The following TMED6 variants were observed in gnomAD, a reference collection of about 807,000 sequenced individuals.
The protein encoded by TMED6 is transmembrane emp24 domain-containing protein 6.
Under a neutral mutation model 26.5 loss-of-function variants are expected in TMED6, and 17 were observed. The observed-to-expected ratio is 0.64, with a 90% CI of 0.44 to 0.96. The LOEUF (loss-of-function observed/expected upper bound fraction) is 0.96, where lower values mean the gene tolerates loss of function less well. Ranked by LOEUF, TMED6 falls within the 40% of genes least tolerant of loss-of-function variation. TMED6 has a pLI of 0.00. For synonymous variants in TMED6, 107 were observed against 106.2 expected, an observed-to-expected ratio of 1.01 and a Z score of -0.04; for missense variants, 309 against 296.5, an observed-to-expected ratio of 1.04 and a Z score of -0.31.
In TMED6 at chr16:69,351,644, CG is replaced by C. The variant is rs777581465; in HGVS notation, c.109del (p.Arg37ValfsTer11). 2.5e-6 allele frequency: 4 copies of C among 1,614,098 alleles called. No individual in the cohort carries two copies. In the Admixed American group the frequency reaches 5.0e-5, roughly 20 times the overall value. On this transcript the variant is annotated frameshift_variant, in exon 1 of 4. Coordinates refer to ENST00000288025, the MANE Select transcript of TMED6 (RefSeq NM_144676.4). LOFTEE classifies it high-confidence loss of function. ...GGCAAAGTCATATCGATCAGCTCCA[CG>C]GAAGAGTGGCTGGTCCCCAGAGCCA... ...LSGSGDQPLF[R>X]GADRYDFAIM... is the part of the protein sequence containing the mutation.
chr16:69,344,514 T>G (rs1295329407), intron 3 of TMED6, among the ~76,000 whole-genome samples: 1 of 152,178 alleles, frequency 6.6e-6, no homozygotes, highest in Non-Finnish European at 1.5e-5. Context: ...GGCTCATACC[T>G]GTAATCCCAG....
chr16:69,350,590 G>A (rs902982327), intron 1 of TMED6, among the ~76,000 whole-genome samples: 4 of 152,196 alleles, frequency 2.6e-5, no homozygotes, highest in African/African-American at 7.2e-5. Context: ...GTGAGCCACC[G>A]CACCCGGCCT....
intron 1 of TMED6, among the ~76,000 whole-genome samples, chr16:69,351,034 G>A (rs1311760182): frequency 4.7e-5 from 7 of 150,302 alleles, no homozygotes; most frequent in East Asian, 3.9e-4. Context: ...AACACTTACC[G>A]TCCTAAAAAA....
chr16:69,348,091 G>A lies in TMED6; in HGVS notation c.341-155C>T, dbSNP rs149411218. On this transcript the variant is annotated intron_variant, in intron 2 of 3. Transcript: ENST00000288025. ...ATCCCGTTTTTGACATGGAAGACAC[G>A]GACCTTATGTTAAACTTATACTAAA... The A allele has an allele frequency of 4.3e-4, 327 of 760,582 alleles. 2 individuals are homozygous for A. The East Asian group carries it at 7.4e-3, about 17-fold the overall frequency. The allele number at this position is 760,582 out of a possible 1,614,324, so 47.1% of individuals were successfully genotyped here. A position where few individuals can be genotyped will look rare whatever the true frequency, so the allele number is the denominator to read the frequency against.
intron 1 of TMED6, among the ~76,000 whole-genome samples, chr16:69,350,044 G>A (rs1251263413): frequency 6.6e-6 from 1 of 152,020 alleles, no homozygotes; most frequent in Non-Finnish European, 1.5e-5. Flanking sequence ...GGCCGAGGTG[G>A]GCAGATTACA....
At chr16:69,350,879 A>G (rs1311186150) in intron 1 of TMED6, among the ~76,000 whole-genome samples, 1 of 152,228 alleles carries the variant, frequency 6.6e-6, no homozygotes. Flanking sequence ...GTAAACAAAA[A>G]TTAGAAAGTT....
intron 3 of TMED6, among the ~76,000 whole-genome samples, chr16:69,346,359 A>C (rs1019572010): frequency 4.6e-5 from 7 of 152,224 alleles, no homozygotes; most frequent in African/African-American, 1.4e-4. Flanking sequence ...TTAACTGATG[A>C]ATGGATAAAT....
At position 69,349,531 on chromosome 16, in the gene TMED6, C is replaced by T; in HGVS notation, c.334G>A (p.Glu112Lys). 6.2e-7 allele frequency: 1 copy of T among 1,613,646 alleles called. No homozygotes were observed. Among genetic ancestry groups the T allele is most frequent in the East Asian group, 2.2e-5 (1 of 44,856 alleles). Residue 112 changes from glutamate (E) to lysine (K), a missense_variant, in exon 2 of 4, where the codon GAG (glutamate) becomes AAG (lysine). Physicochemically the swap from Glu to Lys is moderately conservative, Grantham distance 56 (BLOSUM62 1). Coordinates refer to ENST00000288025, the MANE Select transcript of TMED6 (RefSeq NM_144676.4). ...CATGGTAATGAAAACAGACCTGTCT[C>T]TTGGGTAGAGAAGTTAATCTGGCCC... The part of the protein sequence containing the change: ...VRGQINFSTQ[E>K]TGFYQLCLSN...
chr16:69,347,718 A>C, intron 3 of TMED6, 70 bp downstream of exon 3: 1 of 1,589,102 alleles, frequency 6.3e-7, no homozygotes, highest in Non-Finnish European at 8.6e-7. Flanking sequence ...TACCTAAATG[A>C]AGTCATCTTC....
At chr16:69,350,484 G>C (rs765746563) in intron 1 of TMED6, among the ~76,000 whole-genome samples, 1 of 151,926 alleles carries the variant, frequency 6.6e-6, no homozygotes, top group Non-Finnish European at 1.5e-5. Context: ...ATTTTTAGTA[G>C]AGATGCGTTT....
chr16:69,343,529 C>T lies in TMED6; in HGVS notation c.601G>A (p.Val201Met), dbSNP rs1471328706. The change falls in exon 4 of 4, where the codon GTG (valine) becomes ATG (methionine). Residue 201 changes from valine (V) to methionine (M), a missense_variant. By Grantham distance (21) the Val-to-Met change is conservative. Coordinates refer to ENST00000288025, the MANE Select transcript of TMED6 (RefSeq NM_144676.4). ...CTCTGGGCTGTCGACCACCAGTTCACGTAGTTATAGTTTGATTGGATAAGG... is the reference window on the plus strand; with the variant it reads ...CTCTGGGCTGTCGACCACCAGTTCATGTAGTTATAGTTTGATTGGATAAGG... ...FFLIQSNYNY[V>M]NWWSTAQSLV... 8 of 1,614,000 alleles carry T rather than the reference C, an allele frequency of 5.0e-6. No individual in the cohort carries two copies. The South Asian group carries it at 5.5e-5, about 11-fold the overall frequency.
rs377054263 is a variant in TMED6 at position 69,351,641 on chromosome 16, C to T, written c.113G>A (p.Gly38Glu). Reference protein sequence around the residue: ...SGSGDQPLFRGADRYDFAIMI... With the variant: ...SGSGDQPLFREADRYDFAIMI... ...GATGGCAAAGTCATATCGATCAGCT[C>T]CACGGAAGAGTGGCTGGTCCCCAGA... is the stretch of plus-strand genomic sequence containing the variant. The change falls in exon 1 of 4, where the codon GGA becomes GAA. Residue 38 changes from glycine (G) to glutamate (E), a missense_variant. Gly to Glu is a moderately conservative substitution (Grantham distance 98). Transcript: ENST00000288025. 8 of 1,614,094 alleles carry T rather than the reference C, an allele frequency of 5.0e-6. No individual in the cohort carries two copies. The East Asian group carries it at 8.9e-5, about 18-fold the overall frequency.
intron 3 of TMED6, among the ~76,000 whole-genome samples, chr16:69,345,668 C>A (rs546017622): frequency 4.7e-4 from 54 of 115,896 alleles, no homozygotes; most frequent in Admixed American, 9.4e-4. Flanking sequence ...GGACGACAGA[C>A]TGACTCTCTC....
chr16:69,345,408 G>C (rs1017207946), intron 3 of TMED6, among the ~76,000 whole-genome samples: 1 of 152,102 alleles, frequency 6.6e-6, no homozygotes, highest in Non-Finnish European at 1.5e-5. Flanking sequence ...TTCAGGCAGG[G>C]TGCGGTGGCT....
chr16:69,350,595 C>T (rs543446441), intron 1 of TMED6, among the ~76,000 whole-genome samples: 12 of 152,250 alleles, frequency 7.9e-5, no homozygotes, highest in East Asian at 7.8e-4. Context: ...CCACCGCACC[C>T]GGCCTGGCTG....
At chr16:69,348,729 C>G (rs1249363810) in intron 2 of TMED6, among the ~76,000 whole-genome samples, 1 of 152,122 alleles carries the variant, frequency 6.6e-6, no homozygotes, top group East Asian at 1.9e-4. Flanking sequence ...ATTCTCTTGC[C>G]TCAGCCTCCC....
intron 2 of TMED6, 84 bp downstream of exon 2, chr16:69,349,441 A>C: frequency 6.7e-7 from 1 of 1,491,872 alleles, no homozygotes; most frequent in Non-Finnish European, 9.0e-7. Flanking sequence ...CTACTGTTAA[A>C]ACATCTCTGT....
intron 3 of TMED6, among the ~76,000 whole-genome samples, chr16:69,346,742 C>G (rs543858196): frequency 2.0e-5 from 3 of 151,994 alleles, no homozygotes; most frequent in Admixed American, 6.6e-5. Context: ...GGACAACGAG[C>G]AAAACTCCGT....
rs1208049165 is a variant in TMED6, at chr16:69,348,123, TTATTA to T, written c.341-192_341-188del. On this transcript the variant is annotated intron_variant, in intron 2 of 3. Coordinates refer to ENST00000288025, the MANE Select transcript of TMED6 (RefSeq NM_144676.4). ...ATGTTAAACTTATACTAAATATTAC[TTATTA>T]TATTTGGCCAAATTTTAGTAACTCG... 26 of 554,646 alleles carry T rather than the reference TTATTA, an allele frequency of 4.7e-5. No individual in the cohort carries two copies. In the African/African-American group the frequency reaches 4.7e-4, roughly 10 times the overall value. 34.4% of individuals were successfully genotyped at this position (554,646 alleles called of 1,614,324 possible).
Sources: gnomAD v4.1 joint callset for allele counts (sites outside exome capture counted in the v4.1 genomes callset) on GRCh38, gnomAD v4.1.1 for gene constraint, MANE v1.5 for transcripts, NCBI Gene and HGNC (gene_info 2026-07-23, HGNC 2026-07-21) for gene names.